The following TEX14 variants were observed in gnomAD, a reference collection of about 807,000 sequenced individuals.
TEX14 encodes inactive serine/threonine-protein kinase TEX14.
TEX14 carries 168 observed loss-of-function variants against 178.6 expected under a neutral mutation model. The observed-to-expected ratio is 0.94, with a 90% confidence interval of 0.83 to 1.07. The LOEUF (loss-of-function observed/expected upper bound fraction) is 1.07. TEX14 is among the 50% of genes least tolerant of loss of function. The pLI is 0.00. For missense variants in TEX14, 1,730 were observed against 1,753.6 expected, an observed-to-expected ratio of 0.99 and a Z score of 0.24; for synonymous variants, 626 against 634.1, an observed-to-expected ratio of 0.99 and a Z score of 0.19.
chr17:58,599,813 C>G, intron 13 of TEX14, 147 bp from the exon 14 acceptor site: 1 of 648,134 alleles, frequency 1.5e-6, no homozygotes, highest in South Asian at 2.0e-5. Flanking sequence ...TGGAAGACTA[C>G]TGGATACACT....
chr17:58,624,746 C>T (rs1235338748), intron 3 of TEX14, among the ~76,000 whole-genome samples: 1 of 152,150 alleles, frequency 6.6e-6, no homozygotes, highest in African/African-American at 2.4e-5. Flanking sequence ...AAACTACAAG[C>T]CATCTCCATT....
At chr17:58,560,163 C>T (rs1197712835) in intron 29 of TEX14, among the ~76,000 whole-genome samples, 1 of 152,200 alleles carries the variant, frequency 6.6e-6, no homozygotes, top group African/African-American at 2.4e-5. Context: ...TAGCCCCTAG[C>T]ACAGTGCTTT....
intron 5 of TEX14, among the ~76,000 whole-genome samples, chr17:58,621,156 C>T (rs191787573): frequency 4.3e-4 from 65 of 152,316 alleles, no homozygotes; most frequent in African/African-American, 1.4e-3. Context: ...TGGAGCCCAC[C>T]TCCTGCAGCT....
At chr17:58,560,434 C>T (rs1429610091) in intron 29 of TEX14, among the ~76,000 whole-genome samples, 1 of 152,184 alleles carries the variant, frequency 6.6e-6, no homozygotes, top group Non-Finnish European at 1.5e-5. Flanking sequence ...CAGCCACTGC[C>T]TGAGCAGCAG....
intron 1 of TEX14, among the ~76,000 whole-genome samples, chr17:58,667,328 G>A (rs1233034861): frequency 6.6e-6 from 1 of 152,154 alleles, no homozygotes; most frequent in Non-Finnish European, 1.5e-5. Flanking sequence ...TTGTTCCTCA[G>A]TTTGTAAAAC....
chr17:58,583,777 T>G (rs1399630901), intron 19 of TEX14, among the ~76,000 whole-genome samples: 2 of 152,214 alleles, frequency 1.3e-5, no homozygotes, highest in African/African-American at 4.8e-5. Context: ...CTTCCAGCCC[T>G]CAAGTCCGAG....
At chr17:58,651,759 TG>T in intron 2 of TEX14, 106 bp downstream of exon 2, 1 of 1,054,962 alleles carries the variant, frequency 9.5e-7, no homozygotes, top group Non-Finnish European at 1.3e-6. Flanking sequence ...ATTTAATTTC[TG>T]GATTTCCCCA....
intron 1 of TEX14, among the ~76,000 whole-genome samples, chr17:58,663,335 T>C (rs1460443488): frequency 6.8e-6 from 1 of 147,390 alleles, no homozygotes; most frequent in African/African-American, 2.5e-5. Flanking sequence ...GGCAGGAGAA[T>C]TGCTTGAACG....
At chr17:58,661,770 G>T in intron 1 of TEX14, 2 of 529,828 alleles carry the variant, frequency 3.8e-6, no homozygotes, top group Non-Finnish European at 6.6e-6. Flanking sequence ...GGTTGTGCCG[G>T]GTCTGAATCG....
At chr17:58,565,712 G>A in intron 27 of TEX14, 35 bp downstream of exon 27, 1 of 1,519,520 alleles carries the variant, frequency 6.6e-7, no homozygotes, top group Non-Finnish European at 9.1e-7. Flanking sequence ...AGCGTTAAAA[G>A]AACCTGATGA....
chr17:58,660,064 T>C (rs141169007), intron 1 of TEX14, among the ~76,000 whole-genome samples: 78 of 151,528 alleles, frequency 5.1e-4, no homozygotes, highest in Non-Finnish European at 9.0e-4. Context: ...ATGCCAAAAC[T>C]AGATTGATGG....
At chr17:58,638,350 A>G (rs1449699483) in intron 2 of TEX14, among the ~76,000 whole-genome samples, 1 of 95,890 alleles carries the variant, frequency 1.0e-5, no homozygotes, top group East Asian at 2.4e-4. Context: ...CTCTACTACA[A>G]TAAATTAAAA....
rs193228251 is a variant in TEX14 at position 58,631,760 on chromosome 17, G to C, written c.137-1206C>G. On this transcript the variant is annotated intron_variant, in intron 2 of 31. Coordinates refer to ENST00000349033, the MANE Select transcript of TEX14 (RefSeq NM_031272.5). Reference sequence around the variant, plus strand: ...GAGAACACAAATATCTCCCTCTCGCGGTTTCCAGCGTTCTACACGTTCAGA... The same window carrying C: ...GAGAACACAAATATCTCCCTCTCGCCGTTTCCAGCGTTCTACACGTTCAGA... The C allele has an allele frequency of 3.9e-5, 6 of 151,982 alleles. No individual in the cohort carries two copies. In the East Asian group the frequency reaches 1.2e-3, roughly 29 times the overall value. The allele number at this position is 151,982 out of a possible 1,614,324, so 9.4% of individuals were successfully genotyped here.
chr17:58,641,408 A>G (rs1346351829), intron 2 of TEX14, among the ~76,000 whole-genome samples: 1 of 151,894 alleles, frequency 6.6e-6, no homozygotes, highest in Admixed American at 6.6e-5. Flanking sequence ...TTAAAACAAA[A>G]CAAAACAAAA....
chr17:58,641,285 C>G (rs2046568362), intron 2 of TEX14, among the ~76,000 whole-genome samples: 2 of 151,770 alleles, frequency 1.3e-5, no homozygotes, highest in Non-Finnish European at 2.9e-5. Context: ...TGGCACATGC[C>G]TGTAATCCCA....
Position 58,684,611 on chromosome 17 carries a change from C to T in TEX14, c.-2+7328G>A, listed in dbSNP as rs1024282502. Among the ~76,000 whole-genome samples the T allele has an allele frequency of 4.0e-5, 6 of 150,582 alleles. No individual in the cohort carries two copies. In the East Asian group the frequency reaches 9.7e-4, roughly 24 times the overall value. On this transcript the variant is annotated intron_variant, in intron 1 of 31. Transcript: ENST00000349033. ...TCGTGCCACTGCACTCCAGCCTGGGCGACAGTGAGACCCTGTCTCAAATAA... is the reference window on the plus strand; with the variant it reads ...TCGTGCCACTGCACTCCAGCCTGGGTGACAGTGAGACCCTGTCTCAAATAA...
In TEX14 at chr17:58,602,515, T is replaced by C. The variant is rs900621910; in HGVS notation, c.1412A>G (p.Asp471Gly). ...ATAGTAAGGTTTCGGAAGCCTGACA[T>C]CAGCTTCTAAATAATTCCCCGAGAC... ...AVVSGNYLEA[D>G]VRLPKPYYDI... The change falls in exon 12 of 32, where the codon GAT becomes GGT. Residue 471 changes from aspartate (D) to glycine (G), a missense_variant. Asp to Gly is a moderately conservative substitution (Grantham distance 94). Transcript: ENST00000349033. The C allele has an allele frequency of 6.2e-7, 1 of 1,614,018 alleles. No individual in the cohort carries two copies. Among genetic ancestry groups the C allele is most frequent in the Non-Finnish European group, 8.5e-7 (1 of 1,180,008 alleles).
At chr17:58,633,257 C>T (rs1332273588) in intron 2 of TEX14, among the ~76,000 whole-genome samples, 2 of 152,154 alleles carry the variant, frequency 1.3e-5, no homozygotes, top group African/African-American at 2.4e-5. Context: ...CCCTGACCTC[C>T]TTTAGCAGAT....
chr17:58,573,646 G>A (rs2044596482), intron 22 of TEX14, among the ~76,000 whole-genome samples: 1 of 152,216 alleles, frequency 6.6e-6, no homozygotes, highest in Non-Finnish European at 1.5e-5. Flanking sequence ...AGCCTCCTGG[G>A]TAGCTGGGAC....
Sources: gnomAD v4.1 joint callset for allele counts (sites outside exome capture counted in the v4.1 genomes callset) on GRCh38, gnomAD v4.1.1 for gene constraint, MANE v1.5 for transcripts, NCBI Gene and HGNC (gene_info 2026-07-23, HGNC 2026-07-21) for gene names.